WDR72: variants seen among roughly 807,000 people sequenced by gnomAD.
WDR72 encodes WD repeat-containing protein 72.
In WDR72, 120 loss-of-function variants were observed where a neutral mutation model predicts 124.2. That is an observed-to-expected ratio of 0.97 (90% CI 0.83 to 1.12). The LOEUF (loss-of-function observed/expected upper bound fraction) is 1.12, where lower values mean the gene tolerates loss of function less well. Among genes scored for constraint, WDR72 ranks in the 50% most tolerant of loss-of-function variants. The pLI, the probability that WDR72 is intolerant of heterozygous loss-of-function variation, is 0.00. For missense variants in WDR72, 1,387 were observed against 1,278.8 expected, an observed-to-expected ratio of 1.08 and a Z score of -1.29; for synonymous variants, 452 against 441.7, an observed-to-expected ratio of 1.02 and a Z score of -0.29.
At chr15:53,748,688 C>T (rs960996730) in intron 1 of WDR72, among the ~76,000 whole-genome samples, 1 of 152,114 alleles carries the variant, frequency 6.6e-6, no homozygotes, top group Non-Finnish European at 1.5e-5. Context: ...TGAGCTTCCT[C>T]ATTACTTCAA....
intron 13 of WDR72, among the ~76,000 whole-genome samples, chr15:53,677,271 A>G (rs894238413): frequency 4.6e-5 from 7 of 152,214 alleles, no homozygotes; most frequent in Non-Finnish European, 7.3e-5. Flanking sequence ...ACACATAAAA[A>G]TAAGTAAGTG....
intron 13 of WDR72, among the ~76,000 whole-genome samples, chr15:53,679,812 G>A (rs2016314702): frequency 6.6e-6 from 1 of 152,074 alleles, no homozygotes; most frequent in Non-Finnish European, 1.5e-5. Flanking sequence ...AAACATTTGA[G>A]ACCATAGGAA....
intron 14 of WDR72, among the ~76,000 whole-genome samples, chr15:53,631,764 C>T (rs978519257): frequency 6.6e-6 from 1 of 152,044 alleles, no homozygotes; most frequent in South Asian, 2.1e-4. Context: ...CTCTAGGGAT[C>T]TGTGGGACTT....
intron 2 of WDR72, among the ~76,000 whole-genome samples, chr15:53,726,575 T>A (rs1479989210): frequency 6.6e-6 from 1 of 152,056 alleles, no homozygotes; most frequent in Non-Finnish European, 1.5e-5. Context: ...AGCATGGTGG[T>A]TCATGTTTAT....
chr15:53,653,646 TTAA>T (rs2015318210), intron 14 of WDR72, among the ~76,000 whole-genome samples: 1 of 152,228 alleles, frequency 6.6e-6, no homozygotes, highest in Non-Finnish European at 1.5e-5. Context: ...GCAACTCAGA[TTAA>T]TAATAATGGA....
chr15:53,739,456 T>C (rs1172526243), intron 1 of WDR72, among the ~76,000 whole-genome samples: 2 of 152,190 alleles, frequency 1.3e-5, no homozygotes, highest in South Asian at 2.1e-4. Flanking sequence ...TATACTCTAC[T>C]ATAAGAAGAG....
chr15:53,610,882 T>A (rs2013511411), intron 16 of WDR72, among the ~76,000 whole-genome samples: 1 of 152,144 alleles, frequency 6.6e-6, no homozygotes, highest in South Asian at 2.1e-4. Context: ...TTTGTGGACC[T>A]TGTGACTCAA....
chr15:53,626,064 T>A (rs563632131), intron 14 of WDR72, among the ~76,000 whole-genome samples: 1 of 152,138 alleles, frequency 6.6e-6, no homozygotes. Context: ...GTGAAAAAAT[T>A]TGACCTGCCC....
intron 13 of WDR72, among the ~76,000 whole-genome samples, chr15:53,680,746 T>A (rs1276342139): frequency 3.9e-5 from 6 of 152,228 alleles, no homozygotes; most frequent in Non-Finnish European, 1.5e-5. Flanking sequence ...GATGGCATCA[T>A]GTGCCTTTCA....
At chr15:53,753,427 C>T (rs1053419456) in intron 1 of WDR72, among the ~76,000 whole-genome samples, 10 of 152,220 alleles carry the variant, frequency 6.6e-5, no homozygotes, top group Admixed American at 5.9e-4. Flanking sequence ...AGGATTCTAG[C>T]AGAAGCTAGG....
chr15:53,753,014 C>T (rs1176111969), intron 1 of WDR72, among the ~76,000 whole-genome samples: 3 of 152,218 alleles, frequency 2.0e-5, no homozygotes, highest in Admixed American at 6.5e-5. Flanking sequence ...AAAGAACCAA[C>T]GTAAAGTAGG....
chr15:53,668,491 T>G (rs2015854681), intron 13 of WDR72, among the ~76,000 whole-genome samples: 1 of 152,206 alleles, frequency 6.6e-6, no homozygotes. Context: ...AAATTCACCC[T>G]TCACTGCTTG....
intron 18 of WDR72, among the ~76,000 whole-genome samples, chr15:53,573,925 A>C (rs1894659222): frequency 6.6e-6 from 1 of 152,150 alleles, no homozygotes; most frequent in Non-Finnish European, 1.5e-5. Flanking sequence ...TAATTGATTC[A>C]CATATCTCAG....
chr15:53,546,929 T>C (rs1318808871), intron 18 of WDR72, among the ~76,000 whole-genome samples: 1 of 152,130 alleles, frequency 6.6e-6, no homozygotes, highest in Non-Finnish European at 1.5e-5. Flanking sequence ...TTGGTAGTGA[T>C]AGAAAGAGTA....
At chr15:53,560,957 T>C (rs1894104439) in intron 18 of WDR72, among the ~76,000 whole-genome samples, 1 of 151,832 alleles carries the variant, frequency 6.6e-6, no homozygotes, top group South Asian at 2.1e-4. Context: ...ACACTCTCTC[T>C]TCTTATCTAA....
At chr15:53,632,454 C>T (rs745414048) in intron 14 of WDR72, among the ~76,000 whole-genome samples, 2 of 152,114 alleles carry the variant, frequency 1.3e-5, no homozygotes, top group African/African-American at 4.8e-5. Context: ...TCATGAAGAA[C>T]CTCTACTAGA....
chr15:53,697,295 T>G (rs1209235642), intron 13 of WDR72, among the ~76,000 whole-genome samples: 3 of 152,242 alleles, frequency 2.0e-5, no homozygotes, highest in Non-Finnish European at 4.4e-5. Context: ...CTTCCTTTTT[T>G]GTGCACAGGG....
intron 17 of WDR72, among the ~76,000 whole-genome samples, chr15:53,605,403 C>A (rs760046179): frequency 3.3e-5 from 5 of 152,120 alleles, no homozygotes; most frequent in Non-Finnish European, 7.4e-5. Flanking sequence ...AGGCTTAATG[C>A]CTGAGTGATG....
chr15:53,718,150 C>T (rs575152882), intron 3 of WDR72, among the ~76,000 whole-genome samples: 148 of 150,524 alleles, frequency 9.8e-4, no homozygotes, highest in African/African-American at 3.6e-3. Context: ...TGATACTATT[C>T]CAAATATTAT....
Sources: allele counts gnomAD v4.1 joint callset (sites outside exome capture counted in the v4.1 genomes callset), GRCh38; gene constraint gnomAD v4.1.1; transcripts MANE v1.5; gene names NCBI Gene and HGNC (gene_info 2026-07-23, HGNC 2026-07-21).